Variants in CD274 observed in about 807,000 individuals in gnomAD.
CD274 encodes the protein programmed cell death 1 ligand 1.
CD274 carries 8 observed loss-of-function variants against 30.1 expected under a neutral mutation model. That is an observed-to-expected ratio of 0.27 (90% confidence interval 0.16 to 0.48). The LOEUF is 0.48. CD274 is among the 20% of genes least tolerant of loss of function. The pLI, the probability that CD274 is intolerant of heterozygous loss-of-function variation, is 0.99. For synonymous variants in CD274, 152 were observed against 124.6 expected (o/e 1.22, Z -1.46); for missense variants, 353 against 346.6 (o/e 1.02, Z -0.15).
intron 3 of CD274, among the ~76,000 whole-genome samples, chr9:5,460,159 C>T (rs1193856889): frequency 6.6e-6 from 1 of 152,046 alleles, no homozygotes; most frequent in African/African-American, 2.4e-5. Context: ...ATGATTTCCT[C>T]AAATAGGATT....
intron 3 of CD274, 22 bp from the exon 4 acceptor site, chr9:5,462,812 C>A (rs373915736): frequency 6.2e-7 from 1 of 1,603,238 alleles, no homozygotes; most frequent in African/African-American, 1.3e-5. Context: ...AAAGCCCTGA[C>A]TTCTTTTTGT....
rs769220756 is a variant in CD274 at position 5,456,113 on chromosome 9, G to T, written c.-1G>T. 1.9e-6 allele frequency: 3 copies of T among 1,603,104 alleles called. No individual in the cohort carries two copies. Among genetic ancestry groups the T allele is most frequent in the Admixed American group, 3.3e-5 (2 of 59,854 alleles). On this transcript the variant is annotated 5_prime_UTR_variant, in exon 2 of 7. Coordinates refer to ENST00000381577, the MANE Select transcript of CD274 (RefSeq NM_014143.4). The stretch of plus-strand genomic sequence containing the variant: ...TTCCATAATTAGGGCATTCCAGAAA[G>T]ATGAGGATATTTGCTGTCTTTATAT...
chr9:5,456,266 G>T, intron 2 of CD274, 101 bp downstream of exon 2: 1 of 740,188 alleles, frequency 1.4e-6, no homozygotes, highest in South Asian at 1.7e-5. Context: ...TTTTCTTATA[G>T]AGAGAACATT....
intron 6 of CD274, among the ~76,000 whole-genome samples, chr9:5,467,530 T>C (rs1258476269): frequency 1.3e-5 from 2 of 152,228 alleles, no homozygotes; most frequent in Non-Finnish European, 1.5e-5. Context: ...TAAAGCAGTC[T>C]AATTAACCTG....
chr9:5,464,942 C>T (rs978007309), intron 4 of CD274, among the ~76,000 whole-genome samples: 23 of 152,066 alleles, frequency 1.5e-4, no homozygotes, highest in African/African-American at 2.4e-5. Flanking sequence ...TAAAAATTAG[C>T]TGGGTGTGGT....
At chr9:5,457,993 A>C (rs573792706) in intron 3 of CD274, among the ~76,000 whole-genome samples, 1 of 152,266 alleles carries the variant, frequency 6.6e-6, no homozygotes, top group Non-Finnish European at 1.5e-5. Context: ...AAGACAAAAA[A>C]TAATCACATT....
At chr9:5,464,692 T>C (rs1417021278) in intron 4 of CD274, among the ~76,000 whole-genome samples, 4 of 152,160 alleles carry the variant, frequency 2.6e-5, no homozygotes, top group Non-Finnish European at 4.4e-5. Context: ...TGATGACAGA[T>C]AGGAGGAGGT....
Position 5,469,881 on chromosome 9 carries a change from T to C in CD274, c.*2019T>C, listed in dbSNP as rs1819561845. On this transcript the variant is annotated 3_prime_UTR_variant, in exon 7 of 7. Transcript: ENST00000381577. ...CATGTCTGGAACTTTTGTTTTCTGC[T>C]TTCTGTCAAGTATAAACTTCACTTT... 4.3e-6 allele frequency: 1 copy of C among 233,180 alleles called. No homozygotes were observed. The highest frequency in any genetic ancestry group is 8.5e-6 in the Non-Finnish European group (1 of 117,964). The allele number at this position is 233,180 out of a possible 1,614,324, so 14.4% of individuals were successfully genotyped here. A position where few individuals can be genotyped will look rare whatever the true frequency, so the allele number is the denominator to read the frequency against.
Position 5,470,521 on chromosome 9 carries a change from T to C in CD274, c.*2659T>C, listed in dbSNP as rs921988170. On this transcript the variant is annotated 3_prime_UTR_variant, in exon 7 of 7. Transcript: ENST00000381577. ...CAGCATGTCCATTTTCTTGTTTATT[T>C]TGTGTTTAATAAAATGTTCAGTTTA... 4.8e-6 allele frequency: 1 copy of C among 207,482 alleles called. No individual in the cohort carries two copies. Among genetic ancestry groups the C allele is most frequent in the East Asian group, 7.4e-5 (1 of 13,480 alleles). The allele number at this position is 207,482 out of a possible 1,614,324, so 12.9% of individuals were successfully genotyped here.
In CD274 at chr9:5,467,911, T is replaced by C; in HGVS notation, c.*49T>C. ...TCAAGCAGGGATTCTCAACCTGTGG[T>C]TTAGGGGTTCATCGGGGCTGAGCGT... On this transcript the variant is annotated 3_prime_UTR_variant, in exon 7 of 7. Coordinates refer to ENST00000381577, the MANE Select transcript of CD274 (RefSeq NM_014143.4). The C allele has an allele frequency of 6.5e-7, 1 of 1,535,602 alleles. No individual in the cohort carries two copies. The highest frequency in any genetic ancestry group is 9.0e-7 in the Non-Finnish European group (1 of 1,108,550).
chr9:5,453,357 T>C (rs1819241653), intron 1 of CD274, among the ~76,000 whole-genome samples: 1 of 152,102 alleles, frequency 6.6e-6, no homozygotes, highest in East Asian at 1.9e-4. Flanking sequence ...AAACAATGGG[T>C]GAAAATACAG....
intron 1 of CD274, among the ~76,000 whole-genome samples, chr9:5,451,248 A>G (rs1819197311): frequency 6.6e-6 from 1 of 152,228 alleles, no homozygotes; most frequent in Admixed American, 6.5e-5. Flanking sequence ...AATACTTGAA[A>G]AAAATTTACT....
intron 1 of CD274, 97 bp from the exon 2 acceptor site, chr9:5,456,003 A>G: frequency 1.3e-6 from 1 of 746,980 alleles, no homozygotes; most frequent in Non-Finnish European, 2.4e-6. Flanking sequence ...TGGTTATTAG[A>G]AGACTATTTC....
At chr9:5,465,350 G>C in intron 4 of CD274, 149 bp from the exon 5 acceptor site, 1 of 576,980 alleles carries the variant, frequency 1.7e-6, no homozygotes, top group South Asian at 2.0e-5. Context: ...TTTAACACAG[G>C]TATCTCGCCA....
chr9:5,457,584 C>A (rs530695587), intron 3 of CD274, among the ~76,000 whole-genome samples, 164 bp downstream of exon 3: 2 of 152,330 alleles, frequency 1.3e-5, no homozygotes, highest in East Asian at 1.9e-4. Context: ...TATCCAATTT[C>A]TTGAGCACCT....
intron 1 of CD274, among the ~76,000 whole-genome samples, chr9:5,455,679 A>C (rs897521731): frequency 1.3e-5 from 2 of 152,212 alleles, no homozygotes; most frequent in Non-Finnish European, 2.9e-5. Context: ...TGTAGGGGGA[A>C]AAAGCATTGA....
intron 1 of CD274, among the ~76,000 whole-genome samples, chr9:5,454,868 A>G (rs1229887240): frequency 6.6e-6 from 1 of 152,188 alleles, no homozygotes; most frequent in Admixed American, 6.5e-5. Flanking sequence ...ATGGTATTTC[A>G]TATCTTATAT....
At chr9:5,464,051 CT>C (rs1405465960) in intron 4 of CD274, among the ~76,000 whole-genome samples, 4 of 152,076 alleles carry the variant, frequency 2.6e-5, no homozygotes, top group African/African-American at 7.3e-5. Context: ...GCAAAAACAA[CT>C]GAAAAATTAG....
chr9:5,465,530 G>A lies in CD274; in HGVS notation c.714G>A (p.Arg238=), dbSNP rs372727420. The A allele has an allele frequency of 2.5e-6, 4 of 1,609,140 alleles. No homozygotes were observed. Among genetic ancestry groups the A allele is most frequent in the Admixed American group, 3.3e-5 (2 of 59,950 alleles). ...ELPLAHPPNE[R]THLVILGAIL... ...CTCTGGCACATCCTCCAAATGAAAG[G>A]ACTCACTTGGTAATTCTGGGAGCCA... is the stretch of plus-strand genomic sequence containing the variant. Residue 238 remains arginine, a synonymous_variant, in exon 5 of 7, where the codon AGG becomes AGA. Transcript: ENST00000381577.
Sources: gnomAD v4.1 joint callset for allele counts (sites outside exome capture counted in the v4.1 genomes callset) on GRCh38, gnomAD v4.1.1 for gene constraint, MANE v1.5 for transcripts, NCBI Gene and HGNC (gene_info 2026-07-23, HGNC 2026-07-21) for gene names.